The following ADCY8 variants were observed in gnomAD, a reference collection of about 807,000 sequenced individuals.
ADCY8 encodes adenylate cyclase 8, also known as adenylate cyclase type 8.
Under a neutral mutation model 119.7 loss-of-function variants are expected in ADCY8, and 51 were observed. The observed-to-expected ratio is 0.43, with a 90% confidence interval of 0.34 to 0.54. The LOEUF is 0.54. Among genes scored for constraint, ADCY8 ranks in the 20% least tolerant of loss-of-function variants. The probability of loss-of-function intolerance (pLI) is 0.03; values close to 1 mark genes in which losing one functional copy is unlikely to be tolerated. For synonymous variants in ADCY8, 665 were observed against 651.0 expected (o/e 1.02, Z -0.33); for missense variants, 1,383 against 1,598.8 (o/e 0.87, Z 2.30).
chr8:131,037,917 C>T (rs1824213882), intron 1 of ADCY8, among the ~76,000 whole-genome samples: 2 of 152,100 alleles, frequency 1.3e-5, no homozygotes, highest in South Asian at 2.1e-4. Context: ...TCATTATTGT[C>T]TTTAATAAGA....
Position 130,969,562 on chromosome 8 carries a change from A to AGAACTT in ADCY8, c.1111-17565_1111-17564insAAGTTC. 1.3e-5 allele frequency among the ~76,000 whole-genome samples: 2 copies of AGAACTT among 152,160 alleles called. 1 individual carries two copies. The highest frequency in any genetic ancestry group is 4.2e-4 in the South Asian group (2 of 4,802). ...GCTCCCATCATTTTGTCATGTGAAG[A>AGAACTT]CCCTGTATTGAGTTTCTCAGAACTT... On this transcript the variant is annotated intron_variant, in intron 2 of 17. Transcript: ENST00000286355.
intron 8 of ADCY8, among the ~76,000 whole-genome samples, chr8:130,870,268 T>C (rs993508561): frequency 1.3e-5 from 2 of 152,058 alleles, no homozygotes; most frequent in Non-Finnish European, 1.5e-5. Context: ...CACCTCGGCC[T>C]CCTAAAGTGC....
At chr8:130,995,632 A>G (rs140934405) in intron 1 of ADCY8, among the ~76,000 whole-genome samples, 10 of 152,078 alleles carry the variant, frequency 6.6e-5, no homozygotes, top group Non-Finnish European at 1.3e-4. Flanking sequence ...GGACATTCAA[A>G]TGTCATCTCC....
chr8:130,994,841 A>G (rs1037810954), intron 1 of ADCY8, among the ~76,000 whole-genome samples: 3 of 152,180 alleles, frequency 2.0e-5, no homozygotes, highest in African/African-American at 7.2e-5. Context: ...ACTCATGGAC[A>G]TTCTGATTAT....
chr8:130,812,873 A>G (rs1310004157), intron 14 of ADCY8, among the ~76,000 whole-genome samples: 4 of 152,136 alleles, frequency 2.6e-5, no homozygotes, highest in Admixed American at 1.3e-4. Flanking sequence ...ACATACATTT[A>G]TGTATATATA....
At chr8:130,802,124 C>T (rs555609183) in intron 14 of ADCY8, among the ~76,000 whole-genome samples, 1 of 152,252 alleles carries the variant, frequency 6.6e-6, no homozygotes, top group South Asian at 2.1e-4. Context: ...CTCCTCCAAT[C>T]ACAAATTCCA....
chr8:131,019,184 A>AAT, intron 1 of ADCY8, among the ~76,000 whole-genome samples: 1 of 152,346 alleles, frequency 6.6e-6, no homozygotes, highest in South Asian at 2.1e-4. Context: ...GCATTGCACA[A>AAT]ATAGGGTAGC....
chr8:130,846,505 T>G (rs1206739796), intron 11 of ADCY8, among the ~76,000 whole-genome samples: 1 of 151,628 alleles, frequency 6.6e-6, no homozygotes, highest in Non-Finnish European at 1.5e-5. Context: ...CCTCTCTTCC[T>G]TCTTCCCTCT....
chr8:130,971,963 C>T (rs114256221), intron 2 of ADCY8, among the ~76,000 whole-genome samples: 1,931 of 152,210 alleles, frequency 0.013, 38 homozygotes, highest in African/African-American at 0.043. Flanking sequence ...ATTTGAAGTA[C>T]AATTTACATA....
chr8:130,810,043 T>G (rs1226059028), intron 14 of ADCY8, among the ~76,000 whole-genome samples: 1 of 152,184 alleles, frequency 6.6e-6, no homozygotes, highest in East Asian at 1.9e-4. Context: ...CTCTTCTAGG[T>G]CAGCTGAAGA....
intron 5 of ADCY8, among the ~76,000 whole-genome samples, chr8:130,922,894 T>G (rs964224855): frequency 6.6e-6 from 1 of 152,238 alleles, no homozygotes; most frequent in African/African-American, 2.4e-5. Context: ...CAGAAGATGT[T>G]TTTATTCTAT....
intron 1 of ADCY8, among the ~76,000 whole-genome samples, chr8:130,992,425 A>ATATATATATATT (rs1563759152): frequency 2.4e-5 from 3 of 125,450 alleles, no homozygotes; most frequent in African/African-American, 1.0e-4. Context: ...ATATATATAT[A>ATATATATATATT]TATATTTGAG....
chr8:130,903,761 A>G lies in ADCY8; in HGVS notation c.1911+11T>C. 6 of 1,611,160 alleles carry G rather than the reference A, an allele frequency of 3.7e-6. No individual in the cohort carries two copies. Among genetic ancestry groups the G allele is most frequent in the Non-Finnish European group, 5.1e-6 (6 of 1,179,394 alleles). ...TTCATGGCCAAGCAGAAGGAGGAAG[A>G]GAGGACTTACATTCTGTTTCCCCAC... On this transcript the variant is annotated intron_variant, in intron 7 of 17. Transcript: ENST00000286355.
intron 8 of ADCY8, among the ~76,000 whole-genome samples, chr8:130,883,198 T>C (rs1335102354): frequency 6.6e-6 from 1 of 152,204 alleles, no homozygotes; most frequent in African/African-American, 2.4e-5. Context: ...AAAAGCGTTT[T>C]GTATAGCTCT....
chr8:130,822,551 C>CATGA (rs1816547380), intron 12 of ADCY8, among the ~76,000 whole-genome samples: 2 of 118,814 alleles, frequency 1.7e-5, no homozygotes, highest in African/African-American at 5.4e-5. Flanking sequence ...TCCATCCATC[C>CATGA]ATCCATCCAT....
At chr8:130,947,329 C>T (rs1821135419) in intron 3 of ADCY8, among the ~76,000 whole-genome samples, 1 of 152,144 alleles carries the variant, frequency 6.6e-6, no homozygotes, top group Non-Finnish European at 1.5e-5. Flanking sequence ...TACTTAACCT[C>T]TCTGAGCTTC....
At chr8:130,948,169 T>G (rs1473006261) in intron 3 of ADCY8, among the ~76,000 whole-genome samples, 1 of 152,178 alleles carries the variant, frequency 6.6e-6, no homozygotes, top group Admixed American at 6.5e-5. Context: ...CAGTGAACAC[T>G]TGCATGAATA....
chr8:130,977,115 T>C (rs1427063507), intron 2 of ADCY8, among the ~76,000 whole-genome samples: 1 of 152,188 alleles, frequency 6.6e-6, no homozygotes, highest in African/African-American at 2.4e-5. Context: ...TTTACTACTA[T>C]ATCTCCTCAC....
intron 14 of ADCY8, among the ~76,000 whole-genome samples, chr8:130,801,247 A>T (rs778569239): frequency 6.6e-6 from 1 of 151,372 alleles, no homozygotes; most frequent in Non-Finnish European, 1.5e-5. Context: ...TCAGATCTCC[A>T]CTTAACCCTC....
Sources: allele counts gnomAD v4.1 joint callset (sites outside exome capture counted in the v4.1 genomes callset), GRCh38; gene constraint gnomAD v4.1.1; transcripts MANE v1.5; gene names NCBI Gene and HGNC (gene_info 2026-07-23, HGNC 2026-07-21).